Variants in RCBTB2 observed in about 807,000 individuals in gnomAD.
RCBTB2 encodes RCC1 and BTB domain containing protein 2, also known as RCC1 and BTB domain-containing protein 2.
RCBTB2 carries 55 observed loss-of-function variants against 65.4 expected under a neutral mutation model. That is an observed-to-expected ratio of 0.84 (90% CI 0.68 to 1.05). The LOEUF (loss-of-function observed/expected upper bound fraction) is 1.05, where lower values mean the gene tolerates loss of function less well. Among genes scored for constraint, RCBTB2 ranks in the 50% least tolerant of loss-of-function variants. The pLI, the probability that RCBTB2 is intolerant of heterozygous loss-of-function variation, is 0.00. For missense variants in RCBTB2, 599 were observed against 680.1 expected (o/e 0.88, Z 1.33); for synonymous variants, 220 against 255.2 (o/e 0.86, Z 1.31).
At chr13:48,516,580 G>C (rs1377712239) in intron 4 of RCBTB2, among the ~76,000 whole-genome samples, 1 of 152,034 alleles carries the variant, frequency 6.6e-6, no homozygotes, top group East Asian at 1.9e-4. Flanking sequence ...CTTTTTATAA[G>C]GACACCAATT....
At position 48,492,220 on chromosome 13, in the gene RCBTB2, C is replaced by G. The variant is rs550833589; in HGVS notation, c.1516-1969G>C. Among the ~76,000 whole-genome samples the G allele has an allele frequency of 4.1e-4, 62 of 152,246 alleles. No homozygotes were observed. The Middle Eastern group carries it at 0.01, about 25-fold the overall frequency. ...CCCCACCACGTCTCCTTGCCTATTA[C>G]AGAGAGGCCTGTGGATGCAATCTTC... On this transcript the variant is annotated intron_variant, in intron 14 of 14. Coordinates refer to ENST00000344532, the MANE Select transcript of RCBTB2 (RefSeq NM_001268.4).
chr13:48,516,780 T>C (rs9331985), intron 4 of RCBTB2, among the ~76,000 whole-genome samples: 5,509 of 152,316 alleles, frequency 0.036, 335 homozygotes, highest in African/African-American at 0.13. Flanking sequence ...GAGGAAGTTA[T>C]AAATTTGTTT....
At chr13:48,510,828 C>A in intron 9 of RCBTB2, 57 bp from the exon 10 acceptor site, 2 of 1,527,458 alleles carry the variant, frequency 1.3e-6, no homozygotes, top group Non-Finnish European at 1.8e-6. Flanking sequence ...TTCACTGCTT[C>A]CACAAAGTAG....
intron 10 of RCBTB2, among the ~76,000 whole-genome samples, chr13:48,505,761 A>T (rs1266193075): frequency 6.6e-6 from 1 of 151,596 alleles, no homozygotes. Context: ...ATCTTTTCAA[A>T]GAAAAAAAAA....
chr13:48,522,388 T>C lies in RCBTB2; in HGVS notation c.-104A>G. 1 of 1,433,078 alleles carries C rather than the reference T, an allele frequency of 7.0e-7. No individual in the cohort carries two copies. The allele number at this position is 1,433,078 out of a possible 1,614,324, so 88.8% of individuals were successfully genotyped here. A position where few individuals can be genotyped will look rare whatever the true frequency, so the allele number is the denominator to read the frequency against. ...ATCAATTCTCAGCTCCACAGAAGAA[T>C]ATATGATTTGCTAAGCTGGAAAAAA... On this transcript the variant is annotated 5_prime_UTR_variant, in exon 3 of 15. In the 5' UTR this introduces an upstream ATG that the reference lacks. Coordinates refer to ENST00000344532, the MANE Select transcript of RCBTB2 (RefSeq NM_001268.4).
At chr13:48,511,953 T>C in intron 8 of RCBTB2, 63 bp downstream of exon 8, 5 of 1,603,168 alleles carry the variant, frequency 3.1e-6, no homozygotes, top group Non-Finnish European at 4.3e-6. Flanking sequence ...GGACATACCA[T>C]ACTGGCATGA....
At chr13:48,490,378 G>T in intron 14 of RCBTB2, 127 bp from the exon 15 acceptor site, 1 of 700,154 alleles carries the variant, frequency 1.4e-6, no homozygotes, top group Non-Finnish European at 2.4e-6. Flanking sequence ...GGAAATGATG[G>T]CATGGTAATA....
chr13:48,493,359 C>CCT (rs1257791934), intron 14 of RCBTB2, among the ~76,000 whole-genome samples: 6 of 128,910 alleles, frequency 4.7e-5, no homozygotes, highest in Non-Finnish European at 8.3e-5. Context: ...TCTCTCTCAC[C>CCT]CTCTCTCTCT....
At chr13:48,522,436 G>C (rs1951481475) in intron 2 of RCBTB2, 33 bp from the exon 3 acceptor site, 2 of 977,232 alleles carry the variant, frequency 2.0e-6, no homozygotes, top group East Asian at 5.2e-5. Flanking sequence ...GAATGAAAAT[G>C]ATGAAAAAAA....
At position 48,515,252 on chromosome 13, in the gene RCBTB2, G is replaced by T. The variant is rs373929704; in HGVS notation, c.302C>A (p.Ala101Asp). ...TGGACCACTCCCATAGCTGAGGCAG[G>T]CTATTTTTTTGCCATTTAAAGAATC... Reference protein sequence around the residue: ...RLDSLNGKKIACLSYGSGPHI... With the variant: ...RLDSLNGKKIDCLSYGSGPHI... Residue 101 changes from alanine (A) to aspartate (D), a missense_variant, in exon 6 of 15, where the codon GCC becomes GAC. Physicochemically the swap from Ala to Asp is moderately radical, Grantham distance 126 (BLOSUM62 -2). Coordinates refer to ENST00000344532, the MANE Select transcript of RCBTB2 (RefSeq NM_001268.4). 9 of 1,614,112 alleles carry T rather than the reference G, an allele frequency of 5.6e-6. No homozygotes were observed. The highest frequency in any genetic ancestry group is 7.6e-6 in the Non-Finnish European group (9 of 1,179,972).
chr13:48,502,615 G>C, intron 11 of RCBTB2, 109 bp downstream of exon 11: 1 of 1,116,862 alleles, frequency 9.0e-7, no homozygotes, highest in Non-Finnish European at 1.3e-6. Context: ...CCATCAGAGA[G>C]AAATAAATTA....
intron 4 of RCBTB2, among the ~76,000 whole-genome samples, chr13:48,520,826 G>C (rs1368096871): frequency 6.6e-6 from 1 of 150,690 alleles, no homozygotes; most frequent in East Asian, 1.9e-4. Context: ...AATTACGTTA[G>C]GCATACCTAG....
At chr13:48,501,903 T>C in intron 11 of RCBTB2, 35 bp from the exon 12 acceptor site, 3 of 1,605,358 alleles carry the variant, frequency 1.9e-6, no homozygotes, top group Non-Finnish European at 2.6e-6. Context: ...CAGAGTTAGC[T>C]ACAGACATAA....
At chr13:48,493,315 A>AC (rs759504798) in intron 14 of RCBTB2, among the ~76,000 whole-genome samples, 1 of 75,028 alleles carries the variant, frequency 1.3e-5, no homozygotes, top group Non-Finnish European at 2.5e-5. Context: ...ACACACACAC[A>AC]CTCTCTCTCT....
At chr13:48,532,814 C>CTT in intron 1 of RCBTB2, 1 of 338,464 alleles carries the variant, frequency 3.0e-6, no homozygotes, top group South Asian at 2.1e-5. Flanking sequence ...GAACCTAGCT[C>CTT]TTAACTCCCG....
At chr13:48,507,165 C>T (rs1272337605) in intron 10 of RCBTB2, among the ~76,000 whole-genome samples, 2 of 152,196 alleles carry the variant, frequency 1.3e-5, no homozygotes, top group East Asian at 1.9e-4. Flanking sequence ...CTGGCACACC[C>T]GGCTCCACAT....
upstream of RCBTB2, among the ~76,000 whole-genome samples, chr13:48,534,885 C>T (rs1952340511): frequency 6.6e-6 from 1 of 152,232 alleles, no homozygotes; most frequent in Non-Finnish European, 1.5e-5. Context: ...CCCATCACCA[C>T]ATCTCCCAAG....
chr13:48,526,552 T>G (rs368326717), intron 1 of RCBTB2, among the ~76,000 whole-genome samples: 9 of 151,594 alleles, frequency 5.9e-5, no homozygotes, highest in African/African-American at 2.2e-4. Context: ...AATAAATAAT[T>G]TTTTTAATGA....
At chr13:48,498,274 TC>T (rs1208035142) in intron 13 of RCBTB2, among the ~76,000 whole-genome samples, 1 of 152,236 alleles carries the variant, frequency 6.6e-6, no homozygotes, top group African/African-American at 2.4e-5. Flanking sequence ...TCCTTTCAGT[TC>T]TTAATGAAAT....
Sources: gnomAD v4.1 joint callset for allele counts (sites outside exome capture counted in the v4.1 genomes callset) on GRCh38, gnomAD v4.1.1 for gene constraint, MANE v1.5 for transcripts, NCBI Gene and HGNC (gene_info 2026-07-23, HGNC 2026-07-21) for gene names.